Variants in CBX7 observed in about 807,000 individuals in gnomAD.
The protein encoded by CBX7 is chromobox protein homolog 7.
A neutral mutation model predicts 31.4 loss-of-function variants in CBX7; 14 were observed. The observed-to-expected ratio is 0.45, with a 90% CI of 0.29 to 0.70. The LOEUF (loss-of-function observed/expected upper bound fraction) is 0.70, where lower values mean the gene tolerates loss of function less well. Ranked by LOEUF, CBX7 falls within the 30% of genes least tolerant of loss-of-function variation. The probability of loss-of-function intolerance (pLI) is 0.11; values close to 1 mark genes in which losing one functional copy is unlikely to be tolerated. For synonymous variants in CBX7, 159 were observed against 152.6 expected (o/e 1.04, Z -0.31); for missense variants, 269 against 351.9 (o/e 0.76, Z 1.89).
rs148601652 is a variant in CBX7 at position 39,141,583 on chromosome 22, T to C, written c.114-147A>G. On this transcript the variant is annotated intron_variant, in intron 2 of 5. Coordinates refer to ENST00000216133, the MANE Select transcript of CBX7 (RefSeq NM_175709.5). ...GGCCAACATGGCAAAACCCCATCTC[T>C]ACTAAAAATACAAAAATTAGCCGGG... 2.2e-3 allele frequency: 1,238 copies of C among 565,176 alleles called. 14 individuals are homozygous for C. The African/African-American group carries it at 0.023, about 10-fold the overall frequency. The allele number at this position is 565,176 out of a possible 1,614,324, so 35.0% of individuals were successfully genotyped here.
In CBX7 at chr22:39,152,312, G is replaced by T; in HGVS notation, c.69+64C>A. 9.2e-7 allele frequency: 1 copy of T among 1,089,806 alleles called. No homozygotes were observed. 67.5% of individuals were successfully genotyped at this position (1,089,806 alleles called of 1,614,324 possible). Reference sequence around the variant, plus strand: ...TTCCCCTTCAGCCCCAGCGTGGAGGGAGCGGTGCTGGGGACGGGAGGGACC... The same window carrying T: ...TTCCCCTTCAGCCCCAGCGTGGAGGTAGCGGTGCTGGGGACGGGAGGGACC... On this transcript the variant is annotated intron_variant, in intron 1 of 5. Coordinates refer to ENST00000216133, the MANE Select transcript of CBX7 (RefSeq NM_175709.5). This position sits in a 1 kb window ranked among gnomAD's most constrained non-coding sequence, Gnocchi z 4.9.
intron 2 of CBX7, among the ~76,000 whole-genome samples, chr22:39,145,299 C>T (rs1319699645): frequency 6.6e-6 from 1 of 152,132 alleles, no homozygotes; most frequent in Admixed American, 6.5e-5. Context: ...CCGCGCCCTC[C>T]GCAGTGCAGG....
rs183348877 is a variant in CBX7 at position 39,149,154 on chromosome 22, G to T, written c.113+635C>A. ...GCTCCCTGCCTCCCAACTCCGAGATGGGAGGCTGGGAAGGCACAGAGGAGA... is the reference window on the plus strand; with the variant it reads ...GCTCCCTGCCTCCCAACTCCGAGATTGGAGGCTGGGAAGGCACAGAGGAGA... On this transcript the variant is annotated intron_variant, in intron 2 of 5. Coordinates refer to ENST00000216133, the MANE Select transcript of CBX7 (RefSeq NM_175709.5). The T allele has an allele frequency of 3.7e-3, 558 of 152,478 alleles. 3 individuals carry two copies. Among genetic ancestry groups the T allele is most frequent in the Admixed American group, 7.1e-3 (109 of 15,304 alleles). The allele number at this position is 152,478 out of a possible 1,614,324, so 9.4% of individuals were successfully genotyped here.
intron 2 of CBX7, among the ~76,000 whole-genome samples, chr22:39,145,879 G>C (rs183873864): frequency 6.6e-6 from 1 of 151,814 alleles, no homozygotes; most frequent in South Asian, 2.1e-4. Context: ...GTGAGGGCAC[G>C]CAGTGGGAAG....
At position 39,134,675 on chromosome 22, in the gene CBX7, T is replaced by C. The variant is rs1296564538; in HGVS notation, c.324A>G (p.Pro108=). 3 of 1,586,726 alleles carry C rather than the reference T, an allele frequency of 1.9e-6. No individual in the cohort carries two copies. Among genetic ancestry groups the C allele is most frequent in the South Asian group, 2.3e-5 (2 of 87,582 alleles). ...CCCCCTCAGGGCTCCCGCTGCCGAG[T>C]GGGCACGTCAGGGAGAAGCAGAGCT... The part of the protein sequence containing the change: ...KEKLCFSLTC[P]LGSGSPEGVV... The change falls in exon 5 of 6, where the codon CCA becomes CCG. Residue 108 remains proline (P), a synonymous_variant. Coordinates refer to ENST00000216133, the MANE Select transcript of CBX7 (RefSeq NM_175709.5).
intron 4 of CBX7, chr22:39,135,106 C>T: frequency 4.3e-6 from 1 of 230,704 alleles, no homozygotes; most frequent in East Asian, 8.9e-5. Context: ...TTAGGAAAGG[C>T]ATCTTTGCTT....
At chr22:39,151,682 C>G (rs59851943) in intron 1 of CBX7, among the ~76,000 whole-genome samples, 11,714 of 152,238 alleles carry the variant, frequency 0.077, 541 homozygotes, top group African/African-American at 0.12. Flanking sequence ...ACGCCAGGCC[C>G]GGACAAAGTC....
rs1207103765 is a variant in CBX7 at position 39,134,699 on chromosome 22, C to A, written c.300G>T (p.Lys100Asn). 31 of 1,580,204 alleles carry A rather than the reference C, an allele frequency of 2.0e-5. No individual in the cohort carries two copies. Among genetic ancestry groups the A allele is most frequent in the Non-Finnish European group, 2.6e-5 (30 of 1,162,098 alleles). The change falls in exon 5 of 6, where the codon AAG (lysine) becomes AAT (asparagine). Residue 100 changes from lysine (K) to asparagine (N), a missense_variant. Physicochemically the swap from Lys to Asn is moderately conservative, Grantham distance 94. Transcript: ENST00000216133. ...GTGGGCACGTCAGGGAGAAGCAGAG[C>A]TTCTCCTTGCCCTTGGCCTTGTGGG... ...RSSHKAKGKEKLCFSLTCPLG... is the reference protein window; with the variant it reads ...RSSHKAKGKENLCFSLTCPLG...
intron 4 of CBX7, chr22:39,135,030 A>G: frequency 2.4e-6 from 1 of 409,634 alleles, no homozygotes; most frequent in Non-Finnish European, 4.4e-6. Context: ...GAAGCATACA[A>G]GAAGGACAAA....
chr22:39,134,591 G>A lies in CBX7; in HGVS notation c.408C>T (p.Pro136=), dbSNP rs1254813886. 13 of 1,592,318 alleles carry A rather than the reference G, an allele frequency of 8.2e-6. No homozygotes were observed. Among genetic ancestry groups the A allele is most frequent in the African/African-American group, 1.3e-5 (1 of 74,612 alleles). ...CCTTTCGGGGCTTGCGGAGCGGGAA[G>A]GGCAGGGTGGGCACCAAGGGGCCCT... The part of the protein sequence containing the change: ...VDKGPLVPTL[P]FPLRKPRKAH... Residue 136 remains proline, a synonymous_variant, in exon 5 of 6, where the codon CCC becomes CCT. Transcript: ENST00000216133.
chr22:39,146,332 G>C (rs980880187), intron 2 of CBX7, among the ~76,000 whole-genome samples: 1 of 152,250 alleles, frequency 6.6e-6, no homozygotes, highest in African/African-American at 2.4e-5. Flanking sequence ...CCCAGCCTGG[G>C]TGGAGACAGC....
At chr22:39,148,442 G>A (rs1930736505) in intron 2 of CBX7, 1 of 152,340 alleles carries the variant, frequency 6.6e-6, no homozygotes, top group African/African-American at 2.4e-5. Context: ...GGTGGCCACA[G>A]CTTCCTGGTG....
At chr22:39,140,289 A>T (rs969914810) in intron 3 of CBX7, among the ~76,000 whole-genome samples, 10 of 152,274 alleles carry the variant, frequency 6.6e-5, no homozygotes, top group African/African-American at 2.2e-4. Flanking sequence ...GAGGACTAGA[A>T]TCCGGGCCTT....
At chr22:39,148,752 C>A in intron 2 of CBX7, 1 of 152,456 alleles carries the variant, frequency 6.6e-6, no homozygotes, top group Non-Finnish European at 1.5e-5. Context: ...CCGATAGGGC[C>A]ACCAAGCCTG....
chr22:39,140,473 A>C (rs1930413808), intron 3 of CBX7, among the ~76,000 whole-genome samples: 1 of 152,212 alleles, frequency 6.6e-6, no homozygotes, highest in Non-Finnish European at 1.5e-5. Flanking sequence ...CATGGCAGGA[A>C]ATCTCCTGGA....
At chr22:39,148,992 G>GT (rs1930757699) in intron 2 of CBX7, 1 of 152,236 alleles carries the variant, frequency 6.6e-6, no homozygotes, top group South Asian at 2.1e-4. Flanking sequence ...GGGGCAGGGG[G>GT]TGGGGCACCC....
chr22:39,134,266 G>A, intron 5 of CBX7, 135 bp downstream of exon 5: 1 of 888,326 alleles, frequency 1.1e-6, no homozygotes, highest in East Asian at 2.7e-5. Context: ...CCCTGGGCTA[G>A]TGTTGGGCCC....
chr22:39,144,015 C>T (rs115894802), intron 2 of CBX7, among the ~76,000 whole-genome samples: 2,152 of 152,320 alleles, frequency 0.014, 52 homozygotes, highest in African/African-American at 0.05. Context: ...AGACGGAAGG[C>T]AATGGGCGTT....
intron 2 of CBX7, among the ~76,000 whole-genome samples, chr22:39,146,805 G>T (rs1205124542): frequency 6.6e-6 from 1 of 152,200 alleles, no homozygotes; most frequent in Non-Finnish European, 1.5e-5. Context: ...CTTCCAAAAC[G>T]ATGGAGAACC....
Sources: gnomAD v4.1 joint callset for allele counts (sites outside exome capture counted in the v4.1 genomes callset) on GRCh38, gnomAD v4.1.1 for gene constraint, Gnocchi (gnomAD v3.1) non-coding constraint, MANE v1.5 for transcripts, NCBI Gene and HGNC (gene_info 2026-07-23, HGNC 2026-07-21) for gene names.